Variants in CNTNAP2 observed in about 807,000 individuals in gnomAD.
CNTNAP2 encodes contactin associated protein 2.
A neutral mutation model predicts 155.2 loss-of-function variants in CNTNAP2; 98 were observed. That is an observed-to-expected ratio of 0.63 (90% confidence interval 0.54 to 0.75). The LOEUF is 0.75. CNTNAP2 is among the 30% of genes least tolerant of loss of function. The pLI is 0.00. For missense variants in CNTNAP2, 1,727 were observed against 1,688.1 expected (o/e 1.02, Z -0.40); for synonymous variants, 651 against 631.2 (o/e 1.03, Z -0.47).
intron 13 of CNTNAP2, among the ~76,000 whole-genome samples, chr7:147,709,718 A>G (rs1325213203): frequency 1.3e-5 from 2 of 152,160 alleles, no homozygotes; most frequent in East Asian, 3.9e-4. Context: ...CTGTCTAGGT[A>G]CTGAGAACTC....
intron 15 of CNTNAP2, among the ~76,000 whole-genome samples, chr7:148,010,209 TG>T (rs1236050111): frequency 3.5e-4 from 53 of 151,780 alleles, no homozygotes; most frequent in Admixed American, 5.9e-4. Flanking sequence ...ATGAGTTATC[TG>T]TATCTTTTGA....
chr7:148,187,400 G>A lies in CNTNAP2; in HGVS notation c.3010+14922G>A, dbSNP rs187076129. 4.3e-3 allele frequency among the ~76,000 whole-genome samples: 649 copies of A among 152,234 alleles called. 2 individuals carry two copies. The highest frequency in any genetic ancestry group is 0.014 in the Middle Eastern group (4 of 294). Reference sequence around the variant, plus strand: ...GAAGCTGATTTGCAGGGTAAACACAGGCCATGCCCTGTAAGTTTTCTTATT... The same window carrying A: ...GAAGCTGATTTGCAGGGTAAACACAAGCCATGCCCTGTAAGTTTTCTTATT... On this transcript the variant is annotated intron_variant, in intron 18 of 23. Coordinates refer to ENST00000361727, the MANE Select transcript of CNTNAP2 (RefSeq NM_014141.6).
intron 8 of CNTNAP2, among the ~76,000 whole-genome samples, chr7:147,263,099 C>A (rs1189231557): frequency 6.6e-6 from 1 of 152,170 alleles, no homozygotes; most frequent in East Asian, 1.9e-4. Context: ...CCAATCCCAG[C>A]ACTTTGGGAA....
chr7:146,364,626 G>A lies in CNTNAP2; in HGVS notation c.97+247653G>A, dbSNP rs182718597. Among the ~76,000 whole-genome samples the A allele has an allele frequency of 2.1e-4, 32 of 152,160 alleles. No individual in the cohort carries two copies. In the East Asian group the frequency reaches 2.1e-3, roughly 10 times the overall value. On this transcript the variant is annotated intron_variant, in intron 1 of 23. Transcript: ENST00000361727. ...AGAAAAAAATAAGTTAAAGGACTCC[G>A]TATGACTACTATAAATTCTCCTAGT...
At chr7:146,444,453 G>A (rs773898792) in intron 1 of CNTNAP2, among the ~76,000 whole-genome samples, 8 of 152,106 alleles carry the variant, frequency 5.3e-5, no homozygotes, top group Non-Finnish European at 1.0e-4. Flanking sequence ...TGGCCTGAAG[G>A]ACCCAGGATT....
chr7:147,727,986 T>G (rs2116460641), intron 13 of CNTNAP2, among the ~76,000 whole-genome samples: 1 of 152,122 alleles, frequency 6.6e-6, no homozygotes, highest in South Asian at 2.1e-4. Context: ...TGTATTTTGG[T>G]GCACCTAGTG....
intron 20 of CNTNAP2, among the ~76,000 whole-genome samples, chr7:148,252,297 T>A (rs1796377020): frequency 6.6e-6 from 1 of 152,196 alleles, no homozygotes; most frequent in African/African-American, 2.4e-5. Flanking sequence ...CACCGACATG[T>A]GCTTGAGTCC....
At chr7:147,916,606 A>T (rs1272143125) in intron 14 of CNTNAP2, among the ~76,000 whole-genome samples, 1 of 143,374 alleles carries the variant, frequency 7.0e-6, no homozygotes, top group Admixed American at 7.0e-5. Context: ...AAAAAAAAAA[A>T]AATACAGTGT....
intron 3 of CNTNAP2, among the ~76,000 whole-genome samples, chr7:146,913,871 G>A (rs563695293): frequency 1.3e-5 from 2 of 151,870 alleles, no homozygotes; most frequent in South Asian, 2.1e-4. Context: ...AGTGTACACC[G>A]TACCCAATGT....
At chr7:147,636,783 T>C (rs940336369) in intron 12 of CNTNAP2, among the ~76,000 whole-genome samples, 2 of 152,056 alleles carry the variant, frequency 1.3e-5, no homozygotes, top group Non-Finnish European at 2.9e-5. Flanking sequence ...TAACTTTTAA[T>C]GTGGGGGGAC....
chr7:147,076,340 G>GGTAT (rs1367782296), intron 4 of CNTNAP2, among the ~76,000 whole-genome samples: 4 of 152,144 alleles, frequency 2.6e-5, no homozygotes, highest in Non-Finnish European at 5.9e-5. Flanking sequence ...GGTGTGAGAT[G>GGTAT]GTATCTCATT....
intron 3 of CNTNAP2, among the ~76,000 whole-genome samples, chr7:146,879,450 TATTA>T (rs1298864128): frequency 4.6e-5 from 7 of 152,256 alleles, no homozygotes; most frequent in South Asian, 2.1e-4. Flanking sequence ...TTCTCTTTTC[TATTA>T]ATTATCCTTC....
intron 11 of CNTNAP2, among the ~76,000 whole-genome samples, chr7:147,514,904 C>T (rs1799091732): frequency 6.6e-6 from 1 of 152,168 alleles, no homozygotes; most frequent in South Asian, 2.1e-4. Context: ...TTCACCCAGG[C>T]CCTATTCACT....
chr7:147,125,876 C>G (rs1801222408), intron 6 of CNTNAP2, among the ~76,000 whole-genome samples: 2 of 152,162 alleles, frequency 1.3e-5, no homozygotes, highest in Admixed American at 6.5e-5. Context: ...CGTTTATTCT[C>G]CTTTATGTAA....
chr7:146,242,373 A>G (rs1378559206), intron 1 of CNTNAP2, among the ~76,000 whole-genome samples: 1 of 152,050 alleles, frequency 6.6e-6, no homozygotes, highest in Non-Finnish European at 1.5e-5. Flanking sequence ...CCCCGTCTCT[A>G]CTAAAATACA....
intron 1 of CNTNAP2, among the ~76,000 whole-genome samples, chr7:146,675,133 G>A (rs971120174): frequency 7.9e-5 from 12 of 151,976 alleles, no homozygotes; most frequent in African/African-American, 2.4e-4. Context: ...GTCTGTAACA[G>A]TGCATAGCAC....
intron 11 of CNTNAP2, among the ~76,000 whole-genome samples, chr7:147,491,636 A>T (rs2107855): frequency 0.29 from 43,589 of 152,104 alleles, 6,394 homozygotes; most frequent in East Asian, 0.43. Context: ...GCACGCAGTG[A>T]ATATGCACTG....
At chr7:148,266,105 G>A (rs1057401837) in intron 20 of CNTNAP2, among the ~76,000 whole-genome samples, 3 of 152,176 alleles carry the variant, frequency 2.0e-5, no homozygotes, top group Admixed American at 6.5e-5. Context: ...CACAATTGAC[G>A]TGGCCCCCAT....
chr7:148,315,281 A>C (rs866726199), intron 21 of CNTNAP2, among the ~76,000 whole-genome samples: 1 of 152,174 alleles, frequency 6.6e-6, no homozygotes, highest in Non-Finnish European at 1.5e-5. Context: ...ACCTGGGTGC[A>C]GGCAGGCTGA....
Sources: allele counts gnomAD v4.1 joint callset (sites outside exome capture counted in the v4.1 genomes callset), GRCh38; gene constraint gnomAD v4.1.1; transcripts MANE v1.5; gene names NCBI Gene and HGNC (gene_info 2026-07-23, HGNC 2026-07-21).